Variants in SLC30A9 observed in about 807,000 individuals in gnomAD.
SLC30A9 encodes proton-coupled zinc antiporter SLC30A9, mitochondrial.
A neutral mutation model predicts 87.5 loss-of-function variants in SLC30A9; 58 were observed. The ratio of observed to expected loss-of-function variants is 0.66; its 90% CI spans 0.54 to 0.82. The LOEUF is 0.82. SLC30A9 is among the 40% of genes least tolerant of loss of function. The probability of loss-of-function intolerance (pLI) is 0.00; values close to 1 mark genes in which losing one functional copy is unlikely to be tolerated. For synonymous variants in SLC30A9, 234 were observed against 233.0 expected, an observed-to-expected ratio of 1.00 and a Z score of -0.04; for missense variants, 557 against 679.1, an observed-to-expected ratio of 0.82 and a Z score of 2.00.
intron 1 of SLC30A9, among the ~76,000 whole-genome samples, chr4:41,993,269 T>G (rs967712046): frequency 6.6e-6 from 1 of 151,938 alleles, no homozygotes; most frequent in Non-Finnish European, 1.5e-5. Flanking sequence ...TTGAAGTATT[T>G]TACATCATCT....
chr4:42,029,592 T>C, intron 6 of SLC30A9: 2 of 702,032 alleles, frequency 2.8e-6, no homozygotes, highest in Non-Finnish European at 5.2e-6. Flanking sequence ...TTGAAAATTG[T>C]GACAATGTGC....
chr4:42,022,606 A>G (rs1716018993), intron 4 of SLC30A9, among the ~76,000 whole-genome samples: 1 of 152,114 alleles, frequency 6.6e-6, no homozygotes, highest in Non-Finnish European at 1.5e-5. Flanking sequence ...GTGAATCTCT[A>G]CATATTATAT....
At chr4:42,029,094 G>A (rs778293266) in intron 6 of SLC30A9, 1 of 275,100 alleles carries the variant, frequency 3.6e-6, no homozygotes, top group Non-Finnish European at 7.5e-6. Context: ...GCAGTGGTGT[G>A]TCCTGTCTGC....
chr4:42,068,276 T>C (rs1718165312), intron 14 of SLC30A9, among the ~76,000 whole-genome samples: 1 of 149,808 alleles, frequency 6.7e-6, no homozygotes, highest in African/African-American at 2.4e-5. Flanking sequence ...AGAGTTTTGC[T>C]CTTGTTGCCC....
intron 8 of SLC30A9, among the ~76,000 whole-genome samples, chr4:42,044,800 A>G (rs1717076260): frequency 6.6e-6 from 1 of 152,198 alleles, no homozygotes; most frequent in East Asian, 1.9e-4. Flanking sequence ...TCTAATATTG[A>G]CCACATAATT....
At chr4:42,063,647 A>G (rs1717963951) in intron 11 of SLC30A9, among the ~76,000 whole-genome samples, 1 of 152,188 alleles carries the variant, frequency 6.6e-6, no homozygotes, top group Non-Finnish European at 1.5e-5. Context: ...TATTCCCTGG[A>G]AAGTGTTGAG....
chr4:42,068,434 G>C (rs550498949), intron 14 of SLC30A9, among the ~76,000 whole-genome samples: 1 of 151,594 alleles, frequency 6.6e-6, no homozygotes, highest in Non-Finnish European at 1.5e-5. Context: ...TTAGAGACGG[G>C]GTTTCTCCAT....
intron 2 of SLC30A9, among the ~76,000 whole-genome samples, chr4:42,016,320 G>A (rs1237573524): frequency 6.6e-6 from 1 of 151,908 alleles, no homozygotes; most frequent in Admixed American, 6.6e-5. Flanking sequence ...ACATACAAAA[G>A]GATATTATAA....
intron 6 of SLC30A9, among the ~76,000 whole-genome samples, chr4:42,031,518 A>T (rs1384724123): frequency 6.6e-6 from 1 of 152,224 alleles, no homozygotes; most frequent in African/African-American, 2.4e-5. Context: ...AAAGCAATGA[A>T]TATAGTTATT....
At chr4:41,991,004 G>A (rs966893359) in intron 1 of SLC30A9, among the ~76,000 whole-genome samples, 3 of 152,226 alleles carry the variant, frequency 2.0e-5, no homozygotes, top group African/African-American at 7.2e-5. Flanking sequence ...CTCGCGGGCC[G>A]GATTGCACCT....
intron 9 of SLC30A9, among the ~76,000 whole-genome samples, chr4:42,058,533 G>A (rs1007769624): frequency 3.9e-5 from 6 of 152,078 alleles, no homozygotes; most frequent in African/African-American, 1.4e-4. Flanking sequence ...CACTCTACTG[G>A]TACCAATTTA....
At chr4:41,994,705 T>G (rs1714616894) in intron 1 of SLC30A9, among the ~76,000 whole-genome samples, 1 of 150,374 alleles carries the variant, frequency 6.7e-6, no homozygotes, top group Admixed American at 6.7e-5. Flanking sequence ...CTGGCCAACA[T>G]CGTGAAACCT....
chr4:42,019,437 T>G (rs1341521739), intron 3 of SLC30A9, among the ~76,000 whole-genome samples: 1 of 152,226 alleles, frequency 6.6e-6, no homozygotes. Context: ...TTATGAGCAG[T>G]TTGATACTTG....
In SLC30A9 at chr4:41,990,599, G is replaced by A. The variant is rs1385009015; in HGVS notation, c.-53G>A. ...GTCTATGGAGTCAGTTGGTACCGGT[G>A]GCGGCGCGGAGGCAGAAGGCGGTGT... is the stretch of plus-strand genomic sequence containing the variant. On this transcript the variant is annotated 5_prime_UTR_variant, in exon 1 of 18. Transcript: ENST00000264451. 16 of 1,106,958 alleles carry A rather than the reference G, an allele frequency of 1.4e-5. No homozygotes were observed. Among genetic ancestry groups the A allele is most frequent in the Admixed American group, 2.1e-5 (1 of 46,940 alleles). The allele number at this position is 1,106,958 out of a possible 1,614,324, so 68.6% of individuals were successfully genotyped here.
At chr4:42,023,141 G>A (rs995343418) in intron 5 of SLC30A9, among the ~76,000 whole-genome samples, 161 bp from the exon 6 acceptor site, 2 of 152,124 alleles carry the variant, frequency 1.3e-5, no homozygotes, top group African/African-American at 2.4e-5. Context: ...ATTTACTCTA[G>A]TTGTTTAGAT....
intron 2 of SLC30A9, among the ~76,000 whole-genome samples, chr4:42,003,338 G>A (rs1288832482): frequency 6.6e-6 from 1 of 152,010 alleles, no homozygotes; most frequent in Non-Finnish European, 1.5e-5. Context: ...CTTATTTTTA[G>A]TTGTTCAGTA....
intron 14 of SLC30A9, among the ~76,000 whole-genome samples, chr4:42,068,393 G>A (rs368875208): frequency 1.3e-5 from 2 of 152,054 alleles, no homozygotes; most frequent in East Asian, 1.9e-4. Flanking sequence ...ACAGGCATGC[G>A]CCACCACGCC....
At chr4:42,008,883 T>C (rs2153133846) in intron 2 of SLC30A9, among the ~76,000 whole-genome samples, 1 of 152,326 alleles carries the variant, frequency 6.6e-6, no homozygotes, top group East Asian at 1.9e-4. Context: ...TTTCTTCTCT[T>C]TCTTTTGTGG....
chr4:42,078,333 G>T lies in SLC30A9; in HGVS notation c.1662+8G>T, dbSNP rs1409853066. 3.7e-6 allele frequency: 5 copies of T among 1,333,742 alleles called. No homozygotes were observed. The Admixed American group carries it at 9.7e-5, about 26-fold the overall frequency. 82.6% of individuals were successfully genotyped at this position (1,333,742 alleles called of 1,614,324 possible). The stretch of plus-strand genomic sequence containing the variant: ...CTTGAGAAGGAACTGAAAGTAAGAT[G>T]TATTCATAAAAATAACATAATGATA... On this transcript the variant is annotated splice_region_variant and intron_variant, in intron 17 of 17. Transcript: ENST00000264451.
Sources: allele counts gnomAD v4.1 joint callset (sites outside exome capture counted in the v4.1 genomes callset), GRCh38; gene constraint gnomAD v4.1.1; transcripts MANE v1.5; gene names NCBI Gene and HGNC (gene_info 2026-07-23, HGNC 2026-07-21).